The following TBC1D14 variants were observed in gnomAD, a reference collection of about 807,000 sequenced individuals.
TBC1D14 encodes TBC1 domain family, member 14.
In TBC1D14, 26 loss-of-function variants were observed where a neutral mutation model predicts 79.0. The observed-to-expected ratio is 0.33, with a 90% CI of 0.24 to 0.46. TBC1D14 has a LOEUF of 0.46. TBC1D14 is among the 20% of genes least tolerant of loss of function. The pLI is 1.00. For missense variants in TBC1D14, 769 were observed against 887.6 expected, an observed-to-expected ratio of 0.87 and a Z score of 1.70; for synonymous variants, 394 against 349.9, an observed-to-expected ratio of 1.13 and a Z score of -1.40.
intron 1 of TBC1D14, among the ~76,000 whole-genome samples, chr4:6,914,008 C>T (rs1011279164): frequency 2.0e-5 from 3 of 151,874 alleles, no homozygotes; most frequent in Non-Finnish European, 4.4e-5. Flanking sequence ...GACGTGGTGG[C>T]GGGCACCTGT....
intron 1 of TBC1D14, among the ~76,000 whole-genome samples, chr4:6,921,146 C>T (rs544933526): frequency 5.9e-5 from 9 of 152,276 alleles, no homozygotes; most frequent in South Asian, 2.1e-4. Flanking sequence ...CTGTGCTCTC[C>T]GGGCTGGTGT....
At chr4:6,986,707 G>C (rs1246359581) in intron 3 of TBC1D14, among the ~76,000 whole-genome samples, 1 of 152,182 alleles carries the variant, frequency 6.6e-6, no homozygotes, top group African/African-American at 2.4e-5. Flanking sequence ...TTTAAAGACT[G>C]TTTTTAAAAA....
chr4:7,009,756 G>T, intron 9 of TBC1D14, 121 bp from the exon 10 acceptor site: 1 of 981,784 alleles, frequency 1.0e-6, no homozygotes, highest in South Asian at 1.4e-5. Context: ...ATCATGCTTG[G>T]CATATTTCAT....
At chr4:6,951,463 C>G (rs1457250545) in intron 2 of TBC1D14, among the ~76,000 whole-genome samples, 1 of 151,846 alleles carries the variant, frequency 6.6e-6, no homozygotes, top group Non-Finnish European at 1.5e-5. Context: ...CCCAGGAATT[C>G]GAGTCCAGCC....
chr4:6,960,307 A>C (rs1715071153), intron 2 of TBC1D14, among the ~76,000 whole-genome samples: 1 of 145,462 alleles, frequency 6.9e-6, no homozygotes, highest in Non-Finnish European at 1.5e-5. Context: ...TCCCAGGCTG[A>C]TCTCAAACTC....
chr4:7,028,159 A>G (rs1722656355), intron 13 of TBC1D14, among the ~76,000 whole-genome samples: 1 of 151,764 alleles, frequency 6.6e-6, no homozygotes, highest in South Asian at 2.1e-4. Context: ...TTACACACCC[A>G]CACACCTCAC....
chr4:6,994,358 G>A lies in TBC1D14; in HGVS notation c.962+56G>A. ...TTGCTTTAGGAAATAAGTACAACTTGCTAAGCAGCTTTTCATTAGAGAAAA... is the reference window on the plus strand; with the variant it reads ...TTGCTTTAGGAAATAAGTACAACTTACTAAGCAGCTTTTCATTAGAGAAAA... On this transcript the variant is annotated intron_variant, in intron 4 of 13. Transcript: ENST00000409757. The A allele has an allele frequency of 2.0e-6, 3 of 1,508,476 alleles. No individual in the cohort carries two copies. In the South Asian group the frequency reaches 3.4e-5, roughly 17 times the overall value. The allele number at this position is 1,508,476 out of a possible 1,614,324, so 93.4% of individuals were successfully genotyped here.
intron 2 of TBC1D14, among the ~76,000 whole-genome samples, chr4:6,957,365 G>T (rs1392336806): frequency 6.6e-6 from 1 of 152,266 alleles, no homozygotes; most frequent in African/African-American, 2.4e-5. Flanking sequence ...AACAGTGTGT[G>T]ACTTAGAGTC....
intron 2 of TBC1D14, among the ~76,000 whole-genome samples, chr4:6,956,487 C>T (rs1451830684): frequency 2.0e-5 from 3 of 152,350 alleles, no homozygotes; most frequent in South Asian, 2.1e-4. Flanking sequence ...CTCCTGCGCA[C>T]GCGCCTACAC....
chr4:6,947,873 T>C (rs1268382677), intron 2 of TBC1D14, among the ~76,000 whole-genome samples: 3 of 152,134 alleles, frequency 2.0e-5, no homozygotes, highest in Admixed American at 6.5e-5. Context: ...TGAATACCTT[T>C]TAATGCAGTT....
intron 1 of TBC1D14, among the ~76,000 whole-genome samples, chr4:6,910,957 G>C (rs1308539796): frequency 1.3e-5 from 2 of 152,190 alleles, no homozygotes; most frequent in Non-Finnish European, 2.9e-5. Context: ...GGGACAAAAT[G>C]CTCACTGTCT....
At chr4:6,945,256 T>C (rs926891766) in intron 2 of TBC1D14, among the ~76,000 whole-genome samples, 8 of 151,892 alleles carry the variant, frequency 5.3e-5, no homozygotes, top group Admixed American at 2.6e-4. Context: ...GCCTGCTGGG[T>C]TAGGAATCAG....
At chr4:6,950,270 T>C (rs1418597167) in intron 2 of TBC1D14, among the ~76,000 whole-genome samples, 1 of 152,106 alleles carries the variant, frequency 6.6e-6, no homozygotes, top group East Asian at 1.9e-4. Flanking sequence ...ATGCAGTGAG[T>C]TTTTGTGTAT....
At chr4:6,954,239 C>T (rs2109011621) in intron 2 of TBC1D14, 2 of 714,846 alleles carry the variant, frequency 2.8e-6, no homozygotes, top group Non-Finnish European at 5.2e-6. Context: ...GCCAGGAATG[C>T]GGCACGGGGA....
At chr4:6,990,532 A>T (rs916829363) in intron 3 of TBC1D14, among the ~76,000 whole-genome samples, 2 of 152,214 alleles carry the variant, frequency 1.3e-5, no homozygotes, top group African/African-American at 4.8e-5. Flanking sequence ...GTTAGTCTGC[A>T]GGGATTTTGA....
chr4:7,024,926 G>A, intron 12 of TBC1D14, 78 bp from the exon 13 acceptor site: 1 of 1,571,168 alleles, frequency 6.4e-7, no homozygotes, highest in Non-Finnish European at 8.6e-7. Flanking sequence ...GTTTTTCATG[G>A]AATCAGACTG....
chr4:6,952,220 C>T (rs1466702863), intron 2 of TBC1D14, among the ~76,000 whole-genome samples: 1 of 152,178 alleles, frequency 6.6e-6, no homozygotes, highest in East Asian at 1.9e-4. Flanking sequence ...CTGCAGGGCT[C>T]GTTGAACCAG....
chr4:7,022,371 C>A (rs535230861), intron 12 of TBC1D14, among the ~76,000 whole-genome samples: 2 of 152,286 alleles, frequency 1.3e-5, no homozygotes, highest in African/African-American at 4.8e-5. Flanking sequence ...AGGGAAGTGT[C>A]CAGGAGTGTC....
At chr4:6,977,694 G>A (rs1716889921) in intron 3 of TBC1D14, among the ~76,000 whole-genome samples, 1 of 126,222 alleles carries the variant, frequency 7.9e-6, no homozygotes, top group Admixed American at 8.0e-5. Context: ...CTGCCAGGCC[G>A]CCATCCCATC....
Sources: gnomAD v4.1 joint callset for allele counts (sites outside exome capture counted in the v4.1 genomes callset) on GRCh38, gnomAD v4.1.1 for gene constraint, MANE v1.5 for transcripts, NCBI Gene and HGNC (gene_info 2026-07-23, HGNC 2026-07-21) for gene names.